FHIT: variants seen among roughly 807,000 people sequenced by gnomAD.
FHIT encodes fragile histidine triad diadenosine triphosphatase.
In FHIT, 19 loss-of-function variants were observed where a neutral mutation model predicts 17.9. That is an observed-to-expected ratio of 1.06 (90% CI 0.74 to 1.56). FHIT has a LOEUF of 1.56. Ranked by LOEUF, FHIT falls within the 40% of genes most tolerant of loss-of-function variation. The probability of loss-of-function intolerance (pLI) is 0.00; values close to 1 mark genes in which losing one functional copy is unlikely to be tolerated. For synonymous variants in FHIT, 81 were observed against 69.7 expected (o/e 1.16, Z -0.81); for missense variants, 248 against 189.2 (o/e 1.31, Z -1.82).
chr3:59,916,407 T>A (rs1383910072), intron 8 of FHIT, among the ~76,000 whole-genome samples: 1 of 152,208 alleles, frequency 6.6e-6, no homozygotes, highest in Non-Finnish European at 1.5e-5. Context: ...CTCCTCCGCT[T>A]GCAGATGGCC....
chr3:59,908,596 G>A (rs1385621447), intron 8 of FHIT, among the ~76,000 whole-genome samples: 1 of 152,016 alleles, frequency 6.6e-6, no homozygotes, highest in Non-Finnish European at 1.5e-5. Flanking sequence ...GGACACCAGA[G>A]GCCAAGGAAA....
chr3:60,299,753 C>G lies in FHIT; in HGVS notation c.103+237107G>C, dbSNP rs181776803. 2.0e-5 allele frequency among the ~76,000 whole-genome samples: 3 copies of G among 152,186 alleles called. No homozygotes were observed. In the East Asian group the frequency reaches 5.8e-4, roughly 29 times the overall value. On this transcript the variant is annotated intron_variant, in intron 5 of 9. Coordinates refer to ENST00000492590, the MANE Select transcript of FHIT (RefSeq NM_002012.4). ...CTACTTGGCTTTCTGTAATACCAAC[C>G]TGACAAGGAGGCTGGAGTGGCTCAT...
At chr3:60,324,759 C>G (rs1709606385) in intron 5 of FHIT, among the ~76,000 whole-genome samples, 1 of 152,048 alleles carries the variant, frequency 6.6e-6, no homozygotes, top group Non-Finnish European at 1.5e-5. Flanking sequence ...CTCTTTAGCT[C>G]TTTGCTTCCT....
intron 4 of FHIT, among the ~76,000 whole-genome samples, chr3:60,606,390 A>C (rs1553671245): frequency 6.6e-6 from 1 of 151,696 alleles, no homozygotes; most frequent in East Asian, 1.9e-4. Flanking sequence ...ACAGATGCCC[A>C]CTGCCATGCC....
chr3:61,012,355 A>T (rs1350585293), intron 3 of FHIT, among the ~76,000 whole-genome samples: 5 of 152,210 alleles, frequency 3.3e-5, no homozygotes, highest in Non-Finnish European at 5.9e-5. Flanking sequence ...TTCTCTCAAT[A>T]AAATTGAAGT....
intron 4 of FHIT, among the ~76,000 whole-genome samples, chr3:60,681,816 G>C (rs2040755099): frequency 6.6e-6 from 1 of 152,150 alleles, no homozygotes; most frequent in Non-Finnish European, 1.5e-5. Flanking sequence ...CAGAAGAAAA[G>C]TTTGAAGATA....
At chr3:60,370,452 C>A (rs1349866445) in intron 5 of FHIT, among the ~76,000 whole-genome samples, 1 of 152,156 alleles carries the variant, frequency 6.6e-6, no homozygotes, top group African/African-American at 2.4e-5. Flanking sequence ...CCCGTGTCAA[C>A]ATTTCAAGGT....
At chr3:59,922,106 C>T (rs541701043) in intron 8 of FHIT, among the ~76,000 whole-genome samples, 77 of 152,236 alleles carry the variant, frequency 5.1e-4, no homozygotes, top group African/African-American at 1.8e-3. Context: ...GGATAGAAAT[C>T]ACAAGGACAC....
chr3:60,727,542 C>G (rs578106036), intron 4 of FHIT, among the ~76,000 whole-genome samples: 1 of 152,110 alleles, frequency 6.6e-6, no homozygotes, highest in Non-Finnish European at 1.5e-5. Flanking sequence ...ATGTTAATGA[C>G]GCAGGAGCCC....
chr3:60,521,681 C>A (rs1207664982), intron 5 of FHIT, among the ~76,000 whole-genome samples: 1 of 152,214 alleles, frequency 6.6e-6, no homozygotes, highest in Non-Finnish European at 1.5e-5. Context: ...GCAGAAAATA[C>A]CTTTATCTTC....
At chr3:60,920,997 A>G (rs1410274598) in intron 3 of FHIT, among the ~76,000 whole-genome samples, 2 of 152,344 alleles carry the variant, frequency 1.3e-5, no homozygotes, top group African/African-American at 2.4e-5. Context: ...CTGTATAAGT[A>G]TAGGTTCATT....
At chr3:59,825,325 C>A (rs139606087) in intron 8 of FHIT, among the ~76,000 whole-genome samples, 14 of 152,166 alleles carry the variant, frequency 9.2e-5, no homozygotes, top group African/African-American at 3.4e-4. Context: ...ATGGATGTTT[C>A]TTTTGGCAGA....
intron 4 of FHIT, among the ~76,000 whole-genome samples, chr3:60,601,619 A>G (rs1235247298): frequency 6.6e-6 from 1 of 152,182 alleles, no homozygotes; most frequent in Non-Finnish European, 1.5e-5. Context: ...GGATAAAAAT[A>G]AAAGGCATGA....
intron 4 of FHIT, among the ~76,000 whole-genome samples, chr3:60,673,499 A>T (rs755353035): frequency 6.6e-6 from 1 of 151,296 alleles, no homozygotes; most frequent in Non-Finnish European, 1.5e-5. Flanking sequence ...GAAACAACAC[A>T]CACTGGGGCC....
intron 2 of FHIT, among the ~76,000 whole-genome samples, chr3:61,127,728 G>T (rs2036649989): frequency 2.0e-5 from 3 of 149,934 alleles, no homozygotes; most frequent in African/African-American, 7.4e-5. Flanking sequence ...ATTTTTTTTT[G>T]TATTACAGGG....
intron 7 of FHIT, among the ~76,000 whole-genome samples, chr3:59,957,878 A>G (rs140845582): frequency 1.3e-5 from 2 of 152,378 alleles, no homozygotes; most frequent in African/African-American, 4.8e-5. Flanking sequence ...CAGTAAACAA[A>G]TATTTCTCAG....
At chr3:61,151,674 A>G (rs1219750253) in intron 2 of FHIT, among the ~76,000 whole-genome samples, 1 of 151,448 alleles carries the variant, frequency 6.6e-6, no homozygotes, top group Admixed American at 6.6e-5. Flanking sequence ...CCTGGGTTCA[A>G]GTGATTCTCC....
At chr3:59,811,540 T>C (rs1700406081) in intron 8 of FHIT, among the ~76,000 whole-genome samples, 1 of 152,232 alleles carries the variant, frequency 6.6e-6, no homozygotes, top group South Asian at 2.1e-4. Context: ...TCATTTGCTT[T>C]TTCTTTTCCC....
Position 61,208,976 on chromosome 3 carries a change from A to G in FHIT, c.-212-8311T>C, listed in dbSNP as rs562080392. ...GTACTGGTTGTTCCTTTCCATGTTT[A>G]GTGCTTCCTTCAGGGGCTCTTTTAG... On this transcript the variant is annotated intron_variant, in intron 1 of 9. Coordinates refer to ENST00000492590, the MANE Select transcript of FHIT (RefSeq NM_002012.4). 4.9e-4 allele frequency among the ~76,000 whole-genome samples: 75 copies of G among 152,066 alleles called. No homozygotes were observed. In the Middle Eastern group the frequency reaches 0.01, roughly 21 times the overall value.
Sources: gnomAD v4.1 joint callset for allele counts (sites outside exome capture counted in the v4.1 genomes callset) on GRCh38, gnomAD v4.1.1 for gene constraint, MANE v1.5 for transcripts, NCBI Gene and HGNC (gene_info 2026-07-23, HGNC 2026-07-21) for gene names.